Variants in PDE8A observed in about 807,000 individuals in gnomAD.
The protein encoded by PDE8A is high affinity cAMP-specific and IBMX-insensitive 3',5'-cyclic phosphodiesterase 8A.
Under a neutral mutation model 105.0 loss-of-function variants are expected in PDE8A, and 59 were observed. The ratio of observed to expected loss-of-function variants is 0.56; its 90% CI spans 0.46 to 0.70. PDE8A has a LOEUF of 0.70. Among genes scored for constraint, PDE8A ranks in the 30% least tolerant of loss-of-function variants. PDE8A has a pLI of 0.00. For synonymous variants in PDE8A, 355 were observed against 371.9 expected (o/e 0.95, Z 0.52); for missense variants, 1,014 against 1,045.9 (o/e 0.97, Z 0.42).
At chr15:85,124,073 A>T (rs1190849444) in intron 19 of PDE8A, among the ~76,000 whole-genome samples, 1 of 152,158 alleles carries the variant, frequency 6.6e-6, no homozygotes, top group African/African-American at 2.4e-5. Flanking sequence ...TGGATTGAGA[A>T]AGACACTGTA....
intron 1 of PDE8A, among the ~76,000 whole-genome samples, chr15:85,036,039 G>A (rs973051648): frequency 2.6e-5 from 4 of 152,178 alleles, no homozygotes; most frequent in South Asian, 2.1e-4. Context: ...TCCTAGTGGG[G>A]CACATATTTA....
intron 3 of PDE8A, among the ~76,000 whole-genome samples, chr15:85,075,213 A>G (rs554796989): frequency 2.0e-5 from 3 of 152,210 alleles, no homozygotes; most frequent in Non-Finnish European, 4.4e-5. Context: ...TTTACTCTGT[A>G]TGGGAAGTCT....
intron 12 of PDE8A, 144 bp downstream of exon 12, chr15:85,109,274 T>C: frequency 1.9e-6 from 1 of 520,266 alleles, no homozygotes; most frequent in Non-Finnish European, 3.5e-6. Context: ...GTTCCCTTTC[T>C]CCCTCTCTGT....
At chr15:85,043,442 T>C (rs527385177) in intron 1 of PDE8A, among the ~76,000 whole-genome samples, 2 of 152,300 alleles carry the variant, frequency 1.3e-5, no homozygotes, top group South Asian at 4.1e-4. Flanking sequence ...CACATTGGAT[T>C]TGAGGATCCT....
At chr15:85,096,195 C>G (rs988245805) in intron 8 of PDE8A, among the ~76,000 whole-genome samples, 1 of 152,184 alleles carries the variant, frequency 6.6e-6, no homozygotes. Context: ...TTTTTAAATG[C>G]TGACTGATTG....
chr15:85,064,180 C>G (rs1238109621), intron 1 of PDE8A, 190 bp from the exon 2 acceptor site: 1 of 491,496 alleles, frequency 2.0e-6, no homozygotes, highest in Non-Finnish European at 3.6e-6. Flanking sequence ...TTTCCTGCTC[C>G]CCACTTTTCC....
intron 1 of PDE8A, chr15:85,064,044 A>G (rs2081185248): frequency 1.3e-5 from 3 of 231,096 alleles, no homozygotes; most frequent in Admixed American, 5.1e-5. Flanking sequence ...CTATATTGTC[A>G]TCTCATTTGG....
chr15:85,089,206 C>T lies in PDE8A; in HGVS notation c.636-132C>T, dbSNP rs2081601416. 4 of 626,508 alleles carry T rather than the reference C, an allele frequency of 6.4e-6. No homozygotes were observed. In the South Asian group the frequency reaches 7.7e-5, roughly 12 times the overall value. 38.8% of individuals were successfully genotyped at this position (626,508 alleles called of 1,614,324 possible). ...GGGGCTTGCAGGGGGGTGTTTATTT[C>T]TTTTTATGTTTTAAAATATTTTCTC... On this transcript the variant is annotated intron_variant, in intron 6 of 21. Coordinates refer to ENST00000394553, the MANE Select transcript of PDE8A (RefSeq NM_002605.3).
At chr15:85,066,150 C>T (rs2081221598) in intron 2 of PDE8A, among the ~76,000 whole-genome samples, 1 of 152,240 alleles carries the variant, frequency 6.6e-6, no homozygotes, top group South Asian at 2.1e-4. Flanking sequence ...TGAGAACTTA[C>T]CCAGTTAACT....
At chr15:85,018,315 A>T (rs186248602) in intron 1 of PDE8A, among the ~76,000 whole-genome samples, 28 of 152,258 alleles carry the variant, frequency 1.8e-4, no homozygotes, top group Admixed American at 5.9e-4. Flanking sequence ...TGCCAGATGT[A>T]AGTCACCACA....
At position 85,075,598 on chromosome 15, in the gene PDE8A, A is replaced by C. The variant is rs376024960; in HGVS notation, c.435-264A>C. Among the ~76,000 whole-genome samples the C allele has an allele frequency of 4.6e-5, 7 of 152,240 alleles. No individual in the cohort carries two copies. In the East Asian group the frequency reaches 9.6e-4, roughly 21 times the overall value. ...AACAATGCAGGTTAACAAAGATCAG[A>C]ACAAGTAGAATACATGTCATCTTAG... On this transcript the variant is annotated intron_variant, in intron 3 of 21. Transcript: ENST00000394553.
At chr15:85,088,319 C>G (rs1250917705) in intron 6 of PDE8A, among the ~76,000 whole-genome samples, 1 of 152,248 alleles carries the variant, frequency 6.6e-6, no homozygotes, top group African/African-American at 2.4e-5. Flanking sequence ...GCCACTACCC[C>G]CAGCCCAATC....
chr15:85,016,771 ATCT>A (rs2080331475), intron 1 of PDE8A, among the ~76,000 whole-genome samples: 1 of 152,188 alleles, frequency 6.6e-6, no homozygotes, highest in African/African-American at 2.4e-5. Flanking sequence ...GTGATGTTGT[ATCT>A]TCTTATACAA....
chr15:85,051,662 C>A lies in PDE8A; in HGVS notation c.187-12708C>A, dbSNP rs904150889. Among the ~76,000 whole-genome samples the A allele has an allele frequency of 2.6e-5, 4 of 152,050 alleles. No homozygotes were observed. In the East Asian group the frequency reaches 5.8e-4, roughly 22 times the overall value. On this transcript the variant is annotated intron_variant, in intron 1 of 21. Transcript: ENST00000394553. ...AGGCCTCAGTGTGTGTTGTTCCCCC[C>A]ACATGTCCATGTGTTCTCATCATTC...
chr15:85,058,144 A>G (rs772178927), intron 1 of PDE8A, among the ~76,000 whole-genome samples: 9 of 152,162 alleles, frequency 5.9e-5, no homozygotes, highest in Non-Finnish European at 1.3e-4. Flanking sequence ...GTAGTGGCAC[A>G]GTCTTGTCTC....
intron 12 of PDE8A, among the ~76,000 whole-genome samples, chr15:85,111,342 ATTGTTTTATCTT>A (rs1405884410): frequency 1.3e-5 from 2 of 151,994 alleles, no homozygotes; most frequent in African/African-American, 4.8e-5. Context: ...TAGGAGTTTT[ATTGTTTTATCTT>A]TTGTTTTAGG....
At chr15:85,084,404 G>C (rs1175457583) in intron 6 of PDE8A, among the ~76,000 whole-genome samples, 1 of 152,228 alleles carries the variant, frequency 6.6e-6, no homozygotes, top group Admixed American at 6.5e-5. Context: ...TGAGTTAGCA[G>C]AGAAGTGCTG....
intron 2 of PDE8A, among the ~76,000 whole-genome samples, chr15:85,065,483 T>TAAA (rs573642824): frequency 1.6e-4 from 23 of 141,968 alleles, no homozygotes; most frequent in African/African-American, 5.9e-4. Context: ...AAAGTATAAT[T>TAAA]AAAAAAAAAA....
At chr15:85,119,809 T>C (rs1462097644) in intron 17 of PDE8A, among the ~76,000 whole-genome samples, 4 of 152,160 alleles carry the variant, frequency 2.6e-5, no homozygotes, top group African/African-American at 9.6e-5. Context: ...TGACATTAGT[T>C]AGAAAATAAC....
Sources: allele counts gnomAD v4.1 joint callset (sites outside exome capture counted in the v4.1 genomes callset), GRCh38; gene constraint gnomAD v4.1.1; transcripts MANE v1.5; gene names NCBI Gene and HGNC (gene_info 2026-07-23, HGNC 2026-07-21).